Variants in MAEA observed in about 807,000 individuals in gnomAD.
MAEA encodes E3 ubiquitin-protein transferase MAEA.
MAEA carries 22 observed loss-of-function variants against 46.2 expected under a neutral mutation model. The ratio of observed to expected loss-of-function variants is 0.48; its 90% CI spans 0.34 to 0.68. MAEA has a LOEUF of 0.68. MAEA is among the 30% of genes least tolerant of loss of function. MAEA has a pLI of 0.01. For missense variants in MAEA, 393 were observed against 558.1 expected (o/e 0.70, Z 2.98); for synonymous variants, 246 against 222.6 (o/e 1.11, Z -0.94).
At chr4:1,309,681 G>T in intron 1 of MAEA, 2 of 1,531,586 alleles carry the variant, frequency 1.3e-6, no homozygotes, top group Non-Finnish European at 1.7e-6. Flanking sequence ...AGGGAGGTGG[G>T]GTCTTCCAGT....
chr4:1,317,620 G>A (rs772021437), intron 3 of MAEA, among the ~76,000 whole-genome samples: 6 of 152,234 alleles, frequency 3.9e-5, no homozygotes, highest in East Asian at 1.9e-4. Flanking sequence ...CAGGGTGAGC[G>A]AGTGAGTCCT....
At chr4:1,303,663 G>A (rs913962372) in intron 1 of MAEA, among the ~76,000 whole-genome samples, 5 of 151,996 alleles carry the variant, frequency 3.3e-5, no homozygotes, top group East Asian at 3.9e-4. Flanking sequence ...GGACTACAGC[G>A]GGTTCCTTTT....
At position 1,338,414 on chromosome 4, in the gene MAEA, A is replaced by T. The variant is rs1347943446; in HGVS notation, c.900-8A>T. ...TGGCCCCCAACCCTTCCTTGACCCGATGCTCAGACAGTGCTACAAGGAGGA... is the reference window on the plus strand; with the variant it reads ...TGGCCCCCAACCCTTCCTTGACCCGTTGCTCAGACAGTGCTACAAGGAGGA... On this transcript the variant is annotated splice_region_variant and splice_polypyrimidine_tract_variant and intron_variant, in intron 7 of 8. Transcript: ENST00000303400. 1 of 1,605,980 alleles carries T rather than the reference A, an allele frequency of 6.2e-7. No individual in the cohort carries two copies.
chr4:1,290,384 G>A (rs919503203), intron 1 of MAEA, among the ~76,000 whole-genome samples: 1 of 152,200 alleles, frequency 6.6e-6, no homozygotes, highest in Non-Finnish European at 1.5e-5. Context: ...AGGGCTGGGA[G>A]GTGCCGGCTG....
At chr4:1,330,181 C>A in intron 5 of MAEA, 1 of 979,778 alleles carries the variant, frequency 1.0e-6, no homozygotes, top group Non-Finnish European at 1.2e-6. Context: ...GTAAGTGAAT[C>A]CCTGACCCCA....
intron 1 of MAEA, among the ~76,000 whole-genome samples, chr4:1,307,516 G>C (rs1187148748): frequency 6.6e-6 from 1 of 152,244 alleles, no homozygotes; most frequent in East Asian, 1.9e-4. Flanking sequence ...GCTGAATACT[G>C]TTCCACTGTG....
chr4:1,318,228 G>A (rs766908525), intron 3 of MAEA, among the ~76,000 whole-genome samples: 3 of 152,256 alleles, frequency 2.0e-5, no homozygotes, highest in Non-Finnish European at 4.4e-5. Flanking sequence ...CCAGCACACT[G>A]TCCTTGGGAC....
chr4:1,307,256 A>G (rs559889256), intron 1 of MAEA, among the ~76,000 whole-genome samples: 111 of 152,322 alleles, frequency 7.3e-4, no homozygotes, highest in African/African-American at 2.4e-3. Context: ...CATACCATCT[A>G]TATCACCATG....
At chr4:1,337,616 C>T (rs1195704984) in intron 7 of MAEA, 1 of 171,736 alleles carries the variant, frequency 5.8e-6, no homozygotes, top group Non-Finnish European at 1.3e-5. Context: ...CAACTGACTT[C>T]TTCCTGCCTG....
At chr4:1,317,033 C>G (rs1737316723) in intron 3 of MAEA, among the ~76,000 whole-genome samples, 1 of 128,964 alleles carries the variant, frequency 7.8e-6, no homozygotes. Context: ...GACTCACCTG[C>G]AGGCCCACCC....
At chr4:1,306,048 C>T (rs1262276561) in intron 1 of MAEA, among the ~76,000 whole-genome samples, 1 of 152,224 alleles carries the variant, frequency 6.6e-6, no homozygotes, top group Admixed American at 6.5e-5. Flanking sequence ...CCCTTCAGGT[C>T]CTCAGCAGAT....
intron 2 of MAEA, among the ~76,000 whole-genome samples, chr4:1,314,468 G>T (rs1043688569): frequency 2.0e-5 from 3 of 152,216 alleles, no homozygotes; most frequent in African/African-American, 7.2e-5. Context: ...GAACTGGAGG[G>T]TGATCGAGAA....
intron 4 of MAEA, among the ~76,000 whole-genome samples, chr4:1,325,363 G>A (rs140103939): frequency 3.4e-4 from 52 of 152,388 alleles, no homozygotes; most frequent in African/African-American, 1.1e-3. Context: ...GGCGGGCACA[G>A]CCTTGTTGGC....
chr4:1,332,695 C>A lies in MAEA; in HGVS notation c.657-62C>A, dbSNP rs1481814703. The A allele has an allele frequency of 4.5e-6, 6 of 1,321,474 alleles. No homozygotes were observed. In the East Asian group the frequency reaches 9.6e-5, roughly 21 times the overall value. 81.9% of individuals were successfully genotyped at this position (1,321,474 alleles called of 1,614,324 possible). ...CTGCAGCCTGGGTGACAGAGTGAAA[C>A]CCTGTCTCTAAAAGTTAAAATTAAA... On this transcript the variant is annotated intron_variant, in intron 5 of 8. Coordinates refer to ENST00000303400, the MANE Select transcript of MAEA (RefSeq NM_001017405.3).
In MAEA at chr4:1,340,051, G is replaced by GT. The variant is rs1292993565; in HGVS notation, c.*884dup. 6.5e-6 allele frequency: 1 copy of GT among 152,708 alleles called. No homozygotes were observed. Among genetic ancestry groups the GT allele is most frequent in the Admixed American group, 6.5e-5 (1 of 15,288 alleles). The allele number at this position is 152,708 out of a possible 1,614,324, so 9.5% of individuals were successfully genotyped here. ...GAGAACCGTATCGTAGAGGTTTGTA[G>GT]TTAGTGCTTATTTTTGCATGTTGAT... On this transcript the variant is annotated 3_prime_UTR_variant, in exon 9 of 9. Coordinates refer to ENST00000303400, the MANE Select transcript of MAEA (RefSeq NM_001017405.3).
intron 4 of MAEA, chr4:1,323,625 C>T: frequency 1.4e-6 from 1 of 702,510 alleles, no homozygotes; most frequent in Non-Finnish European, 2.6e-6. Flanking sequence ...AACCTGCGGC[C>T]CCACTACACA....
At chr4:1,338,297 G>C (rs546778842) in intron 7 of MAEA, 125 bp from the exon 8 acceptor site, 2 of 707,596 alleles carry the variant, frequency 2.8e-6, no homozygotes, top group Non-Finnish European at 4.7e-6. Flanking sequence ...AGACAGCCCC[G>C]TGTAGTCAGC....
At chr4:1,327,330 C>T (rs1233313222) in intron 4 of MAEA, among the ~76,000 whole-genome samples, 3 of 152,210 alleles carry the variant, frequency 2.0e-5, no homozygotes, top group Non-Finnish European at 4.4e-5. Flanking sequence ...CCCAGCTGTG[C>T]TCCTGGAAGC....
intron 7 of MAEA, 53 bp downstream of exon 7, chr4:1,337,047 T>G: frequency 6.3e-7 from 1 of 1,599,650 alleles, no homozygotes; most frequent in Non-Finnish European, 8.5e-7. Flanking sequence ...GCATCTTTGG[T>G]CATATTTTAA....
Sources: allele counts gnomAD v4.1 joint callset (sites outside exome capture counted in the v4.1 genomes callset), GRCh38; gene constraint gnomAD v4.1.1; transcripts MANE v1.5; gene names NCBI Gene and HGNC (gene_info 2026-07-23, HGNC 2026-07-21).